ELOVL5: variants seen among roughly 807,000 people sequenced by gnomAD.
ELOVL5 encodes very long chain fatty acid elongase 5.
In ELOVL5, 8 loss-of-function variants were observed where a neutral mutation model predicts 38.6. The observed-to-expected ratio is 0.21, with a 90% CI of 0.12 to 0.37. ELOVL5 has a LOEUF of 0.37. Among genes scored for constraint, ELOVL5 ranks in the 10% least tolerant of loss-of-function variants. The pLI is 1.00. For synonymous variants in ELOVL5, 127 were observed against 133.7 expected, an observed-to-expected ratio of 0.95 and a Z score of 0.34; for missense variants, 280 against 367.8, an observed-to-expected ratio of 0.76 and a Z score of 1.95.
intron 2 of ELOVL5, among the ~76,000 whole-genome samples, chr6:53,292,803 A>AAAAAC (rs540937961): frequency 5.9e-5 from 9 of 152,218 alleles, no homozygotes; most frequent in African/African-American, 1.7e-4. Flanking sequence ...AAATGAAAAT[A>AAAAAC]AAAACAAAAC....
At chr6:53,310,211 A>G (rs772043255) in intron 1 of ELOVL5, among the ~76,000 whole-genome samples, 1 of 152,230 alleles carries the variant, frequency 6.6e-6, no homozygotes, top group Non-Finnish European at 1.5e-5. Flanking sequence ...CTTATTATCT[A>G]AAGTATAGAA....
At chr6:53,273,400 G>T (rs2127566464) in intron 5 of ELOVL5, 56 bp from the exon 6 acceptor site, 2 of 1,480,830 alleles carry the variant, frequency 1.4e-6, no homozygotes, top group Non-Finnish European at 9.0e-7. Flanking sequence ...AAACAGAACA[G>T]GTGGTAAAAA....
At chr6:53,301,745 A>T (rs927304847) in intron 1 of ELOVL5, among the ~76,000 whole-genome samples, 1 of 152,128 alleles carries the variant, frequency 6.6e-6, no homozygotes, top group Admixed American at 6.5e-5. Context: ...ATTTTAAAGA[A>T]TTCCTTTTTA....
intron 1 of ELOVL5, among the ~76,000 whole-genome samples, chr6:53,336,038 A>C (rs1322230818): frequency 6.6e-6 from 1 of 152,202 alleles, no homozygotes; most frequent in Non-Finnish European, 1.5e-5. Flanking sequence ...ACCATTATTC[A>C]AACCACTATT....
At chr6:53,288,819 A>G (rs1384635895) in intron 3 of ELOVL5, among the ~76,000 whole-genome samples, 1 of 152,134 alleles carries the variant, frequency 6.6e-6, no homozygotes, top group African/African-American at 2.4e-5. Context: ...TAATCTCAGC[A>G]CTTTGGGAGG....
intron 3 of ELOVL5, chr6:53,276,964 C>T (rs1766160254): frequency 6.7e-6 from 1 of 150,308 alleles, no homozygotes. Context: ...TATGCTGTCA[C>T]AGAGAGGACC....
At chr6:53,325,763 C>T (rs910625797) in intron 1 of ELOVL5, among the ~76,000 whole-genome samples, 1 of 151,966 alleles carries the variant, frequency 6.6e-6, no homozygotes, top group Non-Finnish European at 1.5e-5. Context: ...TGGGCTGCCA[C>T]AATCTGGGAA....
intron 4 of ELOVL5, 51 bp from the exon 5 acceptor site, chr6:53,275,312 A>AATATC (rs1766070309): frequency 1.9e-6 from 3 of 1,572,794 alleles, no homozygotes; most frequent in Admixed American, 3.4e-5. Context: ...GCTTCTCTGG[A>AATATC]ATATCACCTC....
rs759834318 is a variant in ELOVL5 at position 53,291,815 on chromosome 6, G to A, written c.207C>T (p.Asn69=). Reference sequence around the variant, plus strand: ...ACAGAGACAGCAGTGTGAGTCCAAGGTTATACACCACTAAAATCCCCCGGC... The same window carrying A: ...ACAGAGACAGCAGTGTGAGTCCAAGATTATACACCACTAAAATCCCCCGGC... ...FSCRGILVVY[N]LGLTLLSLYM... is the part of the protein sequence containing the mutation. The change falls in exon 3 of 8, where the codon AAC becomes AAT. Residue 69 remains asparagine, a synonymous_variant. Transcript: ENST00000304434. 2 of 1,613,864 alleles carry A rather than the reference G, an allele frequency of 1.2e-6. No homozygotes were observed. Among genetic ancestry groups the A allele is most frequent in the South Asian group, 1.1e-5 (1 of 91,042 alleles).
intron 3 of ELOVL5, among the ~76,000 whole-genome samples, chr6:53,285,603 TTTTAA>T (rs2127571955): frequency 6.6e-6 from 1 of 152,276 alleles, no homozygotes; most frequent in African/African-American, 2.4e-5. Context: ...GCATTTTTAT[TTTTAA>T]TTTATCTTTT....
chr6:53,338,016 T>C (rs747124724), intron 1 of ELOVL5, among the ~76,000 whole-genome samples: 2 of 152,006 alleles, frequency 1.3e-5, no homozygotes, highest in Non-Finnish European at 2.9e-5. Context: ...AGGGGAGGTA[T>C]GTGGGGCACC....
chr6:53,322,842 G>C (rs934063796), intron 1 of ELOVL5, among the ~76,000 whole-genome samples: 3 of 152,180 alleles, frequency 2.0e-5, no homozygotes, highest in Admixed American at 2.0e-4. Flanking sequence ...ATTACAGATT[G>C]CAATGCTTCA....
chr6:53,317,205 C>G (rs761681578), intron 1 of ELOVL5, among the ~76,000 whole-genome samples: 3 of 152,184 alleles, frequency 2.0e-5, no homozygotes, highest in Non-Finnish European at 4.4e-5. Flanking sequence ...ACTAAATGGT[C>G]TGCTAATGAC....
intron 2 of ELOVL5, among the ~76,000 whole-genome samples, chr6:53,293,458 T>C (rs763757195): frequency 6.6e-6 from 1 of 152,020 alleles, no homozygotes; most frequent in South Asian, 2.1e-4. Context: ...GCTGGGACTA[T>C]AGACACACAC....
Position 53,268,086 on chromosome 6 carries a change from C to T in ELOVL5, c.*1041G>A, listed in dbSNP as rs1331950139. ...CCTTAAAAAGTTCTAAGGTCCTTTC[C>T]CCCCCTTTGTTAATTTTGGTAAACT... On this transcript the variant is annotated 3_prime_UTR_variant, in exon 8 of 8. Coordinates refer to ENST00000304434, the MANE Select transcript of ELOVL5 (RefSeq NM_021814.5). The T allele has an allele frequency of 1.3e-5, 2 of 152,068 alleles. No homozygotes were observed. The highest frequency in any genetic ancestry group is 2.9e-5 in the Non-Finnish European group (2 of 68,002). 9.4% of individuals were successfully genotyped at this position (152,068 alleles called of 1,614,324 possible).
intron 1 of ELOVL5, among the ~76,000 whole-genome samples, chr6:53,334,835 G>A (rs890241148): frequency 3.9e-5 from 6 of 152,098 alleles, no homozygotes; most frequent in African/African-American, 1.4e-4. Flanking sequence ...CCAAAGCAGG[G>A]TGGACTCCTC....
At chr6:53,281,172 G>C (rs1215598161) in intron 3 of ELOVL5, among the ~76,000 whole-genome samples, 1 of 152,146 alleles carries the variant, frequency 6.6e-6, no homozygotes, top group Non-Finnish European at 1.5e-5. Flanking sequence ...CTGGTGATAA[G>C]AGCTTGATGA....
At chr6:53,326,364 C>T (rs1417824309) in intron 1 of ELOVL5, among the ~76,000 whole-genome samples, 1 of 152,172 alleles carries the variant, frequency 6.6e-6, no homozygotes, top group Non-Finnish European at 1.5e-5. Flanking sequence ...ACCTTGCTCT[C>T]TGGATACAGC....
At chr6:53,274,717 G>A (rs1766047476) in intron 5 of ELOVL5, among the ~76,000 whole-genome samples, 1 of 152,172 alleles carries the variant, frequency 6.6e-6, no homozygotes, top group Admixed American at 6.5e-5. Context: ...TTCAAAATGA[G>A]CCTTGCTCCC....
Sources: allele counts gnomAD v4.1 joint callset (sites outside exome capture counted in the v4.1 genomes callset), GRCh38; gene constraint gnomAD v4.1.1; transcripts MANE v1.5; gene names NCBI Gene and HGNC (gene_info 2026-07-23, HGNC 2026-07-21).